ADAM29: variants seen among roughly 807,000 people sequenced by gnomAD.
ADAM29 encodes disintegrin and metalloproteinase domain-containing protein 29.
For synonymous variants in ADAM29, 367 were observed against 342.3 expected (o/e 1.07, Z -0.80); for missense variants, 969 against 1,001.8 (o/e 0.97, Z 0.44).
At position 174,976,059 on chromosome 4, in the gene ADAM29, A is replaced by G; in HGVS notation, c.534A>G (p.Glu178=). The G allele has an allele frequency of 5.0e-6, 8 of 1,610,198 alleles. No homozygotes were observed. The highest frequency in any genetic ancestry group is 6.8e-6 in the Non-Finnish European group (8 of 1,179,136). ...QNEITCRMEF[E]EIDNSTQKQS... Reference sequence around the variant, plus strand: ...AAATAACATGCCGAATGGAATTTGAAGAAATTGATAATTCCACTCAGAAGC... The same window carrying G: ...AAATAACATGCCGAATGGAATTTGAGGAAATTGATAATTCCACTCAGAAGC... Residue 178 remains glutamate (E), a synonymous_variant, in exon 5 of 5, where the codon GAA becomes GAG. Coordinates refer to ENST00000359240, the MANE Select transcript of ADAM29 (RefSeq NM_014269.4).
chr4:174,963,961 G>GAATTAGTGGGTA, intron 4 of ADAM29, among the ~76,000 whole-genome samples: 1 of 151,658 alleles, frequency 6.6e-6, no homozygotes, highest in African/African-American at 2.4e-5. Flanking sequence ...GAGCCACTGT[G>GAATTAGTGGGTA]CCTGGCCTAG....
At chr4:174,935,851 T>G (rs544504634) in intron 3 of ADAM29, among the ~76,000 whole-genome samples, 149 of 152,208 alleles carry the variant, frequency 9.8e-4, no homozygotes, top group African/African-American at 3.5e-3. Context: ...CTTATTTATG[T>G]GAAGGCTTAG....
chr4:174,930,555 C>G (rs1743803946), intron 2 of ADAM29, among the ~76,000 whole-genome samples: 1 of 151,982 alleles, frequency 6.6e-6, no homozygotes, highest in Admixed American at 6.6e-5. Context: ...TATTAAAGTC[C>G]TTAAAAATTA....
At chr4:174,919,502 C>T (rs548939960) in intron 1 of ADAM29, among the ~76,000 whole-genome samples, 4 of 152,192 alleles carry the variant, frequency 2.6e-5, no homozygotes, top group Non-Finnish European at 5.9e-5. Context: ...TCTCACAAGC[C>T]GAAATCAAGG....
chr4:174,954,063 A>G (rs1745349053), intron 4 of ADAM29, among the ~76,000 whole-genome samples: 2 of 152,140 alleles, frequency 1.3e-5, no homozygotes, highest in Non-Finnish European at 2.9e-5. Flanking sequence ...TTCTGCCATT[A>G]TATAACTTTC....
chr4:174,929,183 T>C (rs1336394467), intron 2 of ADAM29, among the ~76,000 whole-genome samples: 1 of 152,184 alleles, frequency 6.6e-6, no homozygotes, highest in African/African-American at 2.4e-5. Flanking sequence ...CTTATTTTGT[T>C]TCAATAATCT....
intron 4 of ADAM29, among the ~76,000 whole-genome samples, chr4:174,943,055 C>T (rs1475341763): frequency 6.6e-6 from 1 of 152,160 alleles, no homozygotes; most frequent in African/African-American, 2.4e-5. Context: ...AAAATGTTGC[C>T]AGTCGCTTTG....
chr4:174,952,846 A>T (rs6838783), intron 4 of ADAM29, among the ~76,000 whole-genome samples: 62,216 of 151,954 alleles, frequency 0.41, 13,114 homozygotes, highest in African/African-American at 0.5. Context: ...TATAATCTTA[A>T]TATAATCTGA....
At position 174,976,159 on chromosome 4, in the gene ADAM29, A is replaced by T; in HGVS notation, c.634A>T (p.Ile212Phe). The change falls in exon 5 of 5, where the codon ATT becomes TTT. Residue 212 changes from isoleucine (I) to phenylalanine (F), a missense_variant. Ile to Phe is a conservative substitution (Grantham distance 21). Coordinates refer to ENST00000359240, the MANE Select transcript of ADAM29 (RefSeq NM_014269.4). ...AGTCGTCATTGATAATTATCTGTAC[A>T]TTCGTTATGAAAGGAACGACTCAAA... ...IVVVIDNYLY[I>F]RYERNDSKLL... The T allele has an allele frequency of 6.2e-7, 1 of 1,613,060 alleles. No individual in the cohort carries two copies. Among genetic ancestry groups the T allele is most frequent in the Non-Finnish European group, 8.5e-7 (1 of 1,179,768 alleles).
At chr4:174,932,289 A>G (rs2110935982) in intron 3 of ADAM29, among the ~76,000 whole-genome samples, 1 of 146,666 alleles carries the variant, frequency 6.8e-6, no homozygotes, top group South Asian at 2.2e-4. Flanking sequence ...CTCTGTCTCA[A>G]AAAAGAAGAA....
rs776159950 is a variant in ADAM29 at position 174,977,595 on chromosome 4, ATTATG to A, written c.2073_2077del (p.Cys692SerfsTer6). 1.3e-6 allele frequency: 2 copies of A among 1,529,074 alleles called. No individual in the cohort carries two copies. Among genetic ancestry groups the A allele is most frequent in the Admixed American group, 3.4e-5 (2 of 58,806 alleles). The allele number at this position is 1,529,074 out of a possible 1,614,324, so 94.7% of individuals were successfully genotyped here. On this transcript the variant is annotated frameshift_variant, in exon 5 of 5. Coordinates refer to ENST00000359240, the MANE Select transcript of ADAM29 (RefSeq NM_014269.4). LOFTEE classifies it low-confidence loss of function (END_TRUNC). ...TGTTGCTTATTGTTTTGTTTATTTT[ATTATG>A]TTGTCTTTATCGACTTTGTAAAAAA... is the stretch of plus-strand genomic sequence containing the variant.
intron 3 of ADAM29, among the ~76,000 whole-genome samples, chr4:174,934,695 TGG>T (rs1201673547): frequency 1.3e-5 from 2 of 152,196 alleles, no homozygotes; most frequent in Non-Finnish European, 2.9e-5. Flanking sequence ...GACTCAGATC[TGG>T]GGTTTCCCAT....
At chr4:174,975,083 T>C (rs1434250469) in intron 4 of ADAM29, among the ~76,000 whole-genome samples, 1 of 152,200 alleles carries the variant, frequency 6.6e-6, no homozygotes, top group Non-Finnish European at 1.5e-5. Context: ...TTTAAAGAAC[T>C]GTATAGTGAA....
chr4:174,972,071 T>C (rs1459332878), intron 4 of ADAM29, among the ~76,000 whole-genome samples: 1 of 152,226 alleles, frequency 6.6e-6, no homozygotes, highest in Non-Finnish European at 1.5e-5. Flanking sequence ...TATGGCTTTG[T>C]TGAAATTCTA....
rs1441807632 is a variant in ADAM29, at chr4:174,977,276, C to T, written c.1751C>T (p.Thr584Ile). Residue 584 changes from threonine to isoleucine, a missense_variant, in exon 5 of 5, where the codon ACT (threonine) becomes ATT (isoleucine). Physicochemically the swap from Thr to Ile is moderately conservative, Grantham distance 89 (BLOSUM62 -1). Coordinates refer to ENST00000359240, the MANE Select transcript of ADAM29 (RefSeq NM_014269.4). ...ARFNDIMCWS[T>I]DYHLGMKGPD... is the part of the protein sequence containing the mutation. Reference sequence around the variant, plus strand: ...TTCAATGACATAATGTGCTGGAGTACTGATTACCATTTGGGGATGAAGGGA... The same window carrying T: ...TTCAATGACATAATGTGCTGGAGTATTGATTACCATTTGGGGATGAAGGGA... The T allele has an allele frequency of 5.0e-6, 8 of 1,613,858 alleles. No homozygotes were observed. The highest frequency in any genetic ancestry group is 2.2e-5 in the East Asian group (1 of 44,880).
intron 3 of ADAM29, among the ~76,000 whole-genome samples, chr4:174,933,119 G>C (rs1743997391): frequency 1.3e-5 from 2 of 152,150 alleles, no homozygotes; most frequent in African/African-American, 4.8e-5. Context: ...GAATAAATTA[G>C]ATTGGACCAT....
At chr4:174,954,140 T>C (rs963087674) in intron 4 of ADAM29, among the ~76,000 whole-genome samples, 2 of 152,232 alleles carry the variant, frequency 1.3e-5, no homozygotes, top group African/African-American at 2.4e-5. Context: ...GCCCCCAATT[T>C]ACCCTTAAAT....
intron 4 of ADAM29, among the ~76,000 whole-genome samples, chr4:174,957,079 C>CA (rs1745551872): frequency 6.6e-6 from 1 of 151,944 alleles, no homozygotes; most frequent in South Asian, 2.1e-4. Context: ...AACACACAGG[C>CA]AACAATTGCT....
At chr4:174,967,024 T>A (rs528759482) in intron 4 of ADAM29, among the ~76,000 whole-genome samples, 1 of 152,160 alleles carries the variant, frequency 6.6e-6, no homozygotes, top group Non-Finnish European at 1.5e-5. Context: ...TATAGAAAAT[T>A]TAATTGTGCT....
Sources: gnomAD v4.1 joint callset for allele counts (sites outside exome capture counted in the v4.1 genomes callset) on GRCh38, gnomAD v4.1.1 for gene constraint, MANE v1.5 for transcripts, NCBI Gene and HGNC (gene_info 2026-07-23, HGNC 2026-07-21) for gene names.